SCMH1: variants seen among roughly 807,000 people sequenced by gnomAD.
SCMH1 encodes the protein polycomb protein SCMH1.
A neutral mutation model predicts 70.8 loss-of-function variants in SCMH1; 37 were observed. The observed-to-expected ratio is 0.52, with a 90% CI of 0.40 to 0.69. The LOEUF (loss-of-function observed/expected upper bound fraction) is 0.69. Ranked by LOEUF, SCMH1 falls within the 30% of genes least tolerant of loss-of-function variation. The pLI is 0.00. For synonymous variants in SCMH1, 292 were observed against 307.4 expected, an observed-to-expected ratio of 0.95 and a Z score of 0.52; for missense variants, 607 against 827.3, an observed-to-expected ratio of 0.73 and a Z score of 3.27.
intron 4 of SCMH1, chr1:41,159,857 C>T (rs1645873098): frequency 1.4e-5 from 18 of 1,321,150 alleles, no homozygotes; most frequent in Non-Finnish European, 1.8e-5. Flanking sequence ...TCATAATAAT[C>T]CTCCAAAGTT....
chr1:41,187,273 C>T (rs182107552), intron 1 of SCMH1, among the ~76,000 whole-genome samples: 93 of 150,752 alleles, frequency 6.2e-4, no homozygotes, highest in African/African-American at 1.9e-3. Context: ...ACCAGCCTGG[C>T]CAACATGGCG....
intron 5 of SCMH1, among the ~76,000 whole-genome samples, chr1:41,148,695 G>A (rs1572616950): frequency 6.6e-6 from 1 of 152,040 alleles, no homozygotes; most frequent in East Asian, 1.9e-4. Context: ...ATGGTTTTGT[G>A]CAATTTGATT....
At chr1:41,056,214 G>T (rs1650235692) in intron 10 of SCMH1, among the ~76,000 whole-genome samples, 1 of 152,164 alleles carries the variant, frequency 6.6e-6, no homozygotes, top group Non-Finnish European at 1.5e-5. Context: ...CCATGGTATG[G>T]CAAAGCCCAA....
At chr1:41,215,090 C>G (rs1425075415) in intron 1 of SCMH1, among the ~76,000 whole-genome samples, 1 of 152,048 alleles carries the variant, frequency 6.6e-6, no homozygotes, top group African/African-American at 2.4e-5. Context: ...ACTATTATTT[C>G]CATTTCATTA....
rs142736834 is a variant in SCMH1 at position 41,213,956 on chromosome 1, T to C, written c.-117-27706A>G. ...CTCAAAGCTCAATACTGGGCAATAGTGAAAAGGTAAGTAGGTGACAGCAAA... is the reference window on the plus strand; with the variant it reads ...CTCAAAGCTCAATACTGGGCAATAGCGAAAAGGTAAGTAGGTGACAGCAAA... On this transcript the variant is annotated intron_variant, in intron 1 of 14. Transcript: ENST00000337495. 4.4e-3 allele frequency among the ~76,000 whole-genome samples: 664 copies of C among 152,110 alleles called. 5 individuals carry two copies. The highest frequency in any genetic ancestry group is 0.015 in the African/African-American group (635 of 41,488).
At chr1:41,164,735 T>G (rs1207957111) in intron 2 of SCMH1, among the ~76,000 whole-genome samples, 3 of 152,060 alleles carry the variant, frequency 2.0e-5, no homozygotes, top group Non-Finnish European at 4.4e-5. Context: ...TCCCCTTTAT[T>G]TTTTTTGCTT....
chr1:41,169,488 T>G (rs1572797730), intron 2 of SCMH1, among the ~76,000 whole-genome samples: 2 of 152,204 alleles, frequency 1.3e-5, no homozygotes, highest in East Asian at 1.9e-4. Context: ...CCCATTGTTC[T>G]GTGATCTAGA....
intron 1 of SCMH1, among the ~76,000 whole-genome samples, chr1:41,236,622 G>A (rs1429260438): frequency 1.3e-5 from 2 of 152,196 alleles, no homozygotes; most frequent in South Asian, 4.1e-4. Context: ...AAGGTTTCAG[G>A]GCCCCCCTCT....
At position 41,075,215 on chromosome 1, in the gene SCMH1, C is replaced by T. The variant is rs762674305; in HGVS notation, c.978+4G>A. 9.9e-6 allele frequency: 16 copies of T among 1,613,950 alleles called. No homozygotes were observed. Among genetic ancestry groups the T allele is most frequent in the African/African-American group, 1.3e-5 (1 of 75,040 alleles). On this transcript the variant is annotated splice_donor_region_variant and intron_variant, in intron 9 of 14. Transcript: ENST00000337495. ...CCTTTCTGGGAAACCCACATTTTAC[C>T]TACCTTGCTGCCAGGTTTGGGACCT...
intron 4 of SCMH1, among the ~76,000 whole-genome samples, 176 bp downstream of exon 4, chr1:41,160,699 T>C (rs1270308313): frequency 6.6e-6 from 1 of 152,186 alleles, no homozygotes; most frequent in Non-Finnish European, 1.5e-5. Flanking sequence ...CAGGACTTGA[T>C]GTGACAGCTG....
intron 1 of SCMH1, among the ~76,000 whole-genome samples, chr1:41,217,224 A>C (rs933368999): frequency 6.6e-6 from 1 of 152,208 alleles, no homozygotes; most frequent in Admixed American, 6.5e-5. Context: ...CTTGTTATGT[A>C]GCAGCAGAAA....
intron 1 of SCMH1, among the ~76,000 whole-genome samples, chr1:41,227,843 T>G (rs1158807359): frequency 1.3e-5 from 2 of 152,082 alleles, no homozygotes; most frequent in Non-Finnish European, 2.9e-5. Context: ...CCAGGCATGG[T>G]GGTGTGCACC....
chr1:41,193,993 T>A (rs1572969902), intron 1 of SCMH1, among the ~76,000 whole-genome samples: 1 of 152,190 alleles, frequency 6.6e-6, no homozygotes, highest in East Asian at 1.9e-4. Flanking sequence ...CTGATACTAA[T>A]TACGAACTTA....
intron 2 of SCMH1, among the ~76,000 whole-genome samples, chr1:41,172,219 C>G (rs1363543286): frequency 6.8e-6 from 1 of 148,014 alleles, no homozygotes; most frequent in Non-Finnish European, 1.5e-5. Context: ...CCAAAAAATT[C>G]TTAGAACTGA....
chr1:41,190,975 C>T (rs1026909782), intron 1 of SCMH1, among the ~76,000 whole-genome samples: 11 of 152,160 alleles, frequency 7.2e-5, no homozygotes, highest in African/African-American at 2.2e-4. Flanking sequence ...CCTGGACTCA[C>T]GCAATCCTCC....
chr1:41,235,672 TTTAC>T (rs1208569957), intron 1 of SCMH1, among the ~76,000 whole-genome samples: 19 of 151,748 alleles, frequency 1.3e-4, no homozygotes. Context: ...TTGAAAAATA[TTTAC>T]TTATTCAATT....
intron 1 of SCMH1, among the ~76,000 whole-genome samples, chr1:41,224,666 G>T (rs566421256): frequency 6.6e-6 from 1 of 152,140 alleles, no homozygotes; most frequent in South Asian, 2.1e-4. Context: ...CATTTTATAG[G>T]TGAATAAACT....
chr1:41,089,989 G>T (rs1332620966), intron 8 of SCMH1, among the ~76,000 whole-genome samples: 1 of 151,192 alleles, frequency 6.6e-6, no homozygotes, highest in Non-Finnish European at 1.5e-5. Context: ...ATGAGGTTTT[G>T]CCATGTTGGC....
chr1:41,029,949 C>T (rs902266297), intron 13 of SCMH1, among the ~76,000 whole-genome samples: 1 of 152,198 alleles, frequency 6.6e-6, no homozygotes, highest in Non-Finnish European at 1.5e-5. Flanking sequence ...CATCATGGCT[C>T]ATGCCTATAA....
Sources: allele counts gnomAD v4.1 joint callset (sites outside exome capture counted in the v4.1 genomes callset), GRCh38; gene constraint gnomAD v4.1.1; transcripts MANE v1.5; gene names NCBI Gene and HGNC (gene_info 2026-07-23, HGNC 2026-07-21).